Variants in ANXA4 observed in about 807,000 individuals in gnomAD.
The protein encoded by ANXA4 is 35-beta calcimedin.
In ANXA4, 39 loss-of-function variants were observed where a neutral mutation model predicts 49.8. The observed-to-expected ratio is 0.78, with a 90% CI of 0.61 to 1.02. ANXA4 has a LOEUF of 1.02. Among genes scored for constraint, ANXA4 ranks in the 50% least tolerant of loss-of-function variants. The pLI is 0.00. For synonymous variants in ANXA4, 134 were observed against 152.5 expected, an observed-to-expected ratio of 0.88 and a Z score of 0.89; for missense variants, 360 against 410.1, an observed-to-expected ratio of 0.88 and a Z score of 1.05.
chr2:69,821,656 T>C (rs1037634157), intron 12 of ANXA4, among the ~76,000 whole-genome samples: 4 of 152,104 alleles, frequency 2.6e-5, no homozygotes, highest in Non-Finnish European at 2.9e-5. Flanking sequence ...TTCACCATGT[T>C]GGCCAGGCTA....
upstream of ANXA4, among the ~76,000 whole-genome samples, chr2:69,739,212 C>T (rs1017996185): frequency 4.3e-4 from 66 of 152,254 alleles, 1 homozygote; most frequent in African/African-American, 1.6e-3. Context: ...GCAGCAAACT[C>T]TCCTATCCCG....
chr2:69,811,318 A>C (rs1006563524), intron 7 of ANXA4: 1 of 152,858 alleles, frequency 6.5e-6, no homozygotes, highest in Non-Finnish European at 1.5e-5. Flanking sequence ...GTTTACACTT[A>C]TTTATTTGGG....
At chr2:69,655,441 T>C (rs113384096) in intron 2 of ANXA4, among the ~76,000 whole-genome samples, 10,843 of 152,222 alleles carry the variant, frequency 0.071, 1,130 homozygotes, top group East Asian at 0.37. Flanking sequence ...TCATCATCAC[T>C]GGTCATTAGA....
chr2:69,781,235 G>C (rs543754548), intron 1 of ANXA4: 2 of 430,806 alleles, frequency 4.6e-6, no homozygotes, highest in East Asian at 8.9e-5. Flanking sequence ...TACAAGTATT[G>C]GTACTTAACC....
intron 2 of ANXA4, among the ~76,000 whole-genome samples, chr2:69,684,098 GAGCTC>G (rs2105361947): frequency 6.6e-6 from 1 of 152,156 alleles, no homozygotes; most frequent in African/African-American, 2.4e-5. Context: ...TGTGATTTGC[GAGCTC>G]AGAAGTATTA....
intron 3 of ANXA4, among the ~76,000 whole-genome samples, chr2:69,732,790 C>T (rs910043898): frequency 1.4e-4 from 22 of 152,018 alleles, no homozygotes; most frequent in Non-Finnish European, 2.9e-4. Context: ...TACTACAGTG[C>T]CAAAAGCGGA....
At chr2:69,813,648 G>A (rs1573308917) in intron 8 of ANXA4, among the ~76,000 whole-genome samples, 1 of 152,148 alleles carries the variant, frequency 6.6e-6, no homozygotes, top group Admixed American at 6.5e-5. Flanking sequence ...AGGAAACTGA[G>A]GCTCAGAGAG....
At chr2:69,798,283 C>T (rs1231138632) in intron 3 of ANXA4, among the ~76,000 whole-genome samples, 4 of 152,198 alleles carry the variant, frequency 2.6e-5, no homozygotes, top group Non-Finnish European at 4.4e-5. Flanking sequence ...CTGGTTACTA[C>T]GGTGGTTGCT....
intron 2 of ANXA4, among the ~76,000 whole-genome samples, chr2:69,671,897 T>C (rs984145280): frequency 2.6e-5 from 4 of 152,154 alleles, no homozygotes; most frequent in Admixed American, 2.0e-4. Context: ...AGAACTCTCA[T>C]TCACTGCAAC....
chr2:69,754,488 C>G (rs564757406), intron 1 of ANXA4, among the ~76,000 whole-genome samples: 1 of 152,276 alleles, frequency 6.6e-6, no homozygotes, highest in East Asian at 1.9e-4. Flanking sequence ...CCTCAAACTC[C>G]TGCACTCAGG....
intron 2 of ANXA4, among the ~76,000 whole-genome samples, chr2:69,661,274 G>A (rs2105324046): frequency 6.7e-6 from 1 of 149,602 alleles, no homozygotes; most frequent in African/African-American, 2.4e-5. Context: ...TTTCCTAAAG[G>A]AGCTACTAAA....
At chr2:69,723,115 T>C (rs1669864321) in intron 3 of ANXA4, among the ~76,000 whole-genome samples, 1 of 148,934 alleles carries the variant, frequency 6.7e-6, no homozygotes. Context: ...CGCTTGAACC[T>C]GGGAGGTGGA....
chr2:69,695,143 C>CA (rs1287076504), intron 2 of ANXA4, among the ~76,000 whole-genome samples: 1 of 146,610 alleles, frequency 6.8e-6, no homozygotes, highest in Admixed American at 6.8e-5. Flanking sequence ...GACTCTGTCT[C>CA]AAAAAAGAAA....
chr2:69,681,366 A>ATT lies in ANXA4; in HGVS notation n.766+28099_766+28100dup, dbSNP rs35246948. Among the ~76,000 whole-genome samples, 645 of 139,218 alleles carry ATT rather than the reference A, an allele frequency of 4.6e-3. 8 individuals are homozygous for ATT. The highest frequency in any genetic ancestry group is 0.014 in the African/African-American group (522 of 38,032). The allele number at this position is 139,218 out of a possible 152,430, so 91.3% of individuals were successfully genotyped here. ...TACAATGTCTCCTTTTTCATTTCTG[A>ATT]TTTTTTTTTTTTTTTTGAAACAAGG... On this transcript the variant is annotated intron_variant and non_coding_transcript_variant, in intron 2 of 3. Transcript: ENST00000418066.
At chr2:69,824,503 A>AG (rs1048238586) in intron 12 of ANXA4, among the ~76,000 whole-genome samples, 31 of 133,924 alleles carry the variant, frequency 2.3e-4, no homozygotes, top group Admixed American at 2.0e-3. Flanking sequence ...ACTCCGTCTC[A>AG]GAAAAAAAAA....
chr2:69,656,765 G>C (rs1676516870), intron 2 of ANXA4, among the ~76,000 whole-genome samples: 1 of 151,766 alleles, frequency 6.6e-6, no homozygotes, highest in African/African-American at 2.4e-5. Context: ...GGCCAGGCTG[G>C]TCTTGTACTC....
At chr2:69,790,381 G>T (rs529882583) in intron 3 of ANXA4, among the ~76,000 whole-genome samples, 12 of 152,170 alleles carry the variant, frequency 7.9e-5, no homozygotes, top group African/African-American at 2.9e-4. Flanking sequence ...GTCCCTCGTA[G>T]GAGGGCAGTT....
At chr2:69,655,785 C>A (rs1183254588) in intron 2 of ANXA4, among the ~76,000 whole-genome samples, 1 of 152,124 alleles carries the variant, frequency 6.6e-6, no homozygotes, top group African/African-American at 2.4e-5. Context: ...ATCCAAATGC[C>A]CATCAGTGAT....
chr2:69,680,017 G>A (rs1677542584), intron 2 of ANXA4, among the ~76,000 whole-genome samples: 2 of 152,068 alleles, frequency 1.3e-5, no homozygotes. Context: ...TGAATTTTAG[G>A]ATTTTTTCCC....
Sources: allele counts gnomAD v4.1 joint callset (sites outside exome capture counted in the v4.1 genomes callset), GRCh38; gene constraint gnomAD v4.1.1; transcripts MANE v1.5; gene names NCBI Gene and HGNC (gene_info 2026-07-23, HGNC 2026-07-21).